Variants in BECN1 observed in about 807,000 individuals in gnomAD.
BECN1 encodes beclin-1.
A neutral mutation model predicts 60.1 loss-of-function variants in BECN1; 15 were observed. The ratio of observed to expected loss-of-function variants is 0.25; its 90% CI spans 0.17 to 0.38. The LOEUF (loss-of-function observed/expected upper bound fraction) is 0.38. Ranked by LOEUF, BECN1 falls within the 10% of genes least tolerant of loss-of-function variation. The pLI, the probability that BECN1 is intolerant of heterozygous loss-of-function variation, is 1.00. For synonymous variants in BECN1, 179 were observed against 201.8 expected (o/e 0.89, Z 0.96); for missense variants, 424 against 548.2 (o/e 0.77, Z 2.26).
At chr17:42,817,200 C>T (rs545652122) in intron 7 of BECN1, among the ~76,000 whole-genome samples, 41 of 150,914 alleles carry the variant, frequency 2.7e-4, no homozygotes, top group African/African-American at 7.8e-4. Context: ...GAGGCTGAGG[C>T]GGGAGGATTG....
Position 42,824,265 on chromosome 17 carries a change from A to C in BECN1, c.-113T>G. 2.5e-6 allele frequency: 1 copy of C among 399,772 alleles called. No homozygotes were observed. Among genetic ancestry groups the C allele is most frequent in the East Asian group, 3.6e-5 (1 of 28,148 alleles). 24.8% of individuals were successfully genotyped at this position (399,772 alleles called of 1,614,324 possible). A position where few individuals can be genotyped will look rare whatever the true frequency, so the allele number is the denominator to read the frequency against. ...AACTACCATCGCTCTGTCTTCAGCG[A>C]CTTCCCGGTAGCCGCCGGAAAACTT... On this transcript the variant is annotated 5_prime_UTR_variant, in exon 1 of 12. Coordinates refer to ENST00000590099, the MANE Select transcript of BECN1 (RefSeq NM_001313998.2).
intron 3 of BECN1, 108 bp from the exon 4 acceptor site, chr17:42,819,717 T>C: frequency 1.3e-5 from 14 of 1,114,000 alleles, no homozygotes; most frequent in Non-Finnish European, 1.8e-5. Context: ...CCACAAGACT[T>C]GATAAACCAC....
At chr17:42,823,982 C>T (rs115791303) in intron 1 of BECN1, 103 bp from the exon 2 acceptor site, 1 of 1,420,364 alleles carries the variant, frequency 7.0e-7, no homozygotes, top group Non-Finnish European at 9.5e-7. Context: ...GGAGGGAAGT[C>T]CCAACCTGCG....
At chr17:42,815,257 T>C (rs550440901) in intron 8 of BECN1, among the ~76,000 whole-genome samples, 95 of 151,676 alleles carry the variant, frequency 6.3e-4, no homozygotes, top group Admixed American at 3.3e-4. Context: ...TCAGTCACAA[T>C]AAGCTCCTTT....
intron 2 of BECN1, among the ~76,000 whole-genome samples, chr17:42,823,273 G>T (rs2055308685): frequency 6.6e-6 from 1 of 151,798 alleles, no homozygotes; most frequent in Non-Finnish European, 1.5e-5. Context: ...CTCTTTTTTT[G>T]AGACGGAGCC....
At chr17:42,819,378 C>A in intron 4 of BECN1, 170 bp downstream of exon 4, 1 of 644,700 alleles carries the variant, frequency 1.6e-6, no homozygotes, top group Non-Finnish European at 2.6e-6. Context: ...AGGAAAAAAT[C>A]CATACTGGAA....
rs1308970350 is a variant in BECN1 at position 42,811,318 on chromosome 17, C to T, written c.1184+337G>A. 4 of 284,420 alleles carry T rather than the reference C, an allele frequency of 1.4e-5. No individual in the cohort carries two copies. The East Asian group carries it at 1.9e-4, about 13-fold the overall frequency. 17.6% of individuals were successfully genotyped at this position (284,420 alleles called of 1,614,324 possible). Reference sequence around the variant, plus strand: ...CTAAGTAAAAACTAGAGTTTCCATCCATCAATGGGATCCTAGAAAAATCAA... The same window carrying T: ...CTAAGTAAAAACTAGAGTTTCCATCTATCAATGGGATCCTAGAAAAATCAA... On this transcript the variant is annotated intron_variant, in intron 11 of 11. Coordinates refer to ENST00000590099, the MANE Select transcript of BECN1 (RefSeq NM_001313998.2).
At chr17:42,814,766 A>G (rs1448381159) in intron 8 of BECN1, 93 bp from the exon 9 acceptor site, 2 of 1,485,876 alleles carry the variant, frequency 1.3e-6, no homozygotes, top group Non-Finnish European at 1.8e-6. Flanking sequence ...GCTTAAATCT[A>G]TCTTCAAGTC....
chr17:42,818,334 C>T lies in BECN1; in HGVS notation c.570G>A (p.Glu190=). The T allele has an allele frequency of 6.2e-7, 1 of 1,614,252 alleles. No homozygotes were observed. Among genetic ancestry groups the T allele is most frequent in the Non-Finnish European group, 8.5e-7 (1 of 1,180,052 alleles). Reference sequence around the variant, plus strand: ...CCAGCTCCTGGATCAGCCTCTCCTCCTCTAGTGCCAGCTCCTTTAGCTCCA... The same window carrying T: ...CCAGCTCCTGGATCAGCCTCTCCTCTTCTAGTGCCAGCTCCTTTAGCTCCA... The part of the protein sequence containing the change: ...LQMELKELAL[E]EERLIQELED... Residue 190 remains glutamate, a synonymous_variant, in exon 7 of 12, where the codon GAG becomes GAA. Transcript: ENST00000590099.
At chr17:42,821,201 A>G (rs977075813) in intron 2 of BECN1, among the ~76,000 whole-genome samples, 10 of 152,044 alleles carry the variant, frequency 6.6e-5, no homozygotes, top group Non-Finnish European at 1.2e-4. Context: ...CTGGGACTAC[A>G]GGCGTGCACC....
At chr17:42,822,477 C>A (rs1426955018) in intron 2 of BECN1, among the ~76,000 whole-genome samples, 1 of 152,156 alleles carries the variant, frequency 6.6e-6, no homozygotes, top group Non-Finnish European at 1.5e-5. Flanking sequence ...GACTCCAGGC[C>A]CATAAGCTTA....
rs764642269 is a variant in BECN1, at chr17:42,815,716, G to A, written c.830+192C>T. On this transcript the variant is annotated intron_variant, in intron 8 of 11. Transcript: ENST00000590099. The stretch of plus-strand genomic sequence containing the variant: ...GGGCTCAGGCCTTTTCCTTTCTTTA[G>A]AAGGGCGGATGTCACCAAGCTCTAG... The A allele has an allele frequency of 2.9e-6, 2 of 695,456 alleles. 1 individual carries two copies. 43.1% of individuals were successfully genotyped at this position (695,456 alleles called of 1,614,324 possible).
At position 42,820,664 on chromosome 17, in the gene BECN1, AG is replaced by A. The variant is rs541671283; in HGVS notation, c.198+109del. On this transcript the variant is annotated intron_variant, in intron 3 of 11. Coordinates refer to ENST00000590099, the MANE Select transcript of BECN1 (RefSeq NM_001313998.2). The stretch of plus-strand genomic sequence containing the variant: ...ATCCCAAAAGTCCGGGAGCTCTAGA[AG>A]CGCCAAGTAGCCTGCAGAAACCAAG... 135 of 1,101,122 alleles carry A rather than the reference AG, an allele frequency of 1.2e-4. 1 individual carries two copies. The African/African-American group carries it at 1.8e-3, about 15-fold the overall frequency. 68.2% of individuals were successfully genotyped at this position (1,101,122 alleles called of 1,614,324 possible).
At position 42,814,677 on chromosome 17, in the gene BECN1, C is replaced by T; in HGVS notation, c.831-4G>A. ...TGTGCCAAACTGTCCACTGTGCCTA[C>T]AGAGGAAGGCAGAAAGGTGGGGGGA... On this transcript the variant is annotated splice_polypyrimidine_tract_variant and splice_region_variant and intron_variant, in intron 8 of 11. Coordinates refer to ENST00000590099, the MANE Select transcript of BECN1 (RefSeq NM_001313998.2). The T allele has an allele frequency of 6.2e-7, 1 of 1,613,990 alleles. No homozygotes were observed. Among genetic ancestry groups the T allele is most frequent in the Non-Finnish European group, 8.5e-7 (1 of 1,179,960 alleles).
At chr17:42,818,144 T>A in intron 7 of BECN1, 77 bp downstream of exon 7, 1 of 1,487,252 alleles carries the variant, frequency 6.7e-7, no homozygotes. Flanking sequence ...TACAAACTAT[T>A]CAGACACATT....
chr17:42,814,640 G>C lies in BECN1; in HGVS notation c.864C>G (p.Phe288Leu). ...HSGQFGTINNFRLGRLPSVPV... is the reference protein window; with the variant it reads ...HSGQFGTINNLRLGRLPSVPV... ...GAACACTGGGCAGGCGACCCAGCCT[G>C]AAGTTATTGATTGTGCCAAACTGTC... is the stretch of plus-strand genomic sequence containing the variant. The change falls in exon 9 of 12, where the codon TTC becomes TTG. Residue 288 changes from phenylalanine (F) to leucine (L), a missense_variant. By Grantham distance (22) the Phe-to-Leu change is conservative. Transcript: ENST00000590099. 3 of 1,614,170 alleles carry C rather than the reference G, an allele frequency of 1.9e-6. No homozygotes were observed. The South Asian group carries it at 3.3e-5, about 18-fold the overall frequency.
At chr17:42,819,976 C>G (rs57555534) in intron 3 of BECN1, among the ~76,000 whole-genome samples, 1,635 of 152,266 alleles carry the variant, frequency 0.011, 53 homozygotes, top group South Asian at 0.1. Flanking sequence ...TGAAGTCTGC[C>G]ACAGTACAAA....
chr17:42,818,168 T>C, intron 7 of BECN1, 53 bp downstream of exon 7: 10 of 1,575,438 alleles, frequency 6.3e-6, no homozygotes, highest in South Asian at 3.5e-5. Context: ...CTGGAAGCCA[T>C]TTCCTCTCCT....
chr17:42,814,728 G>T, intron 8 of BECN1, 55 bp from the exon 9 acceptor site: 2 of 1,604,128 alleles, frequency 1.2e-6, no homozygotes, highest in South Asian at 2.2e-5. Context: ...TAAAAAGTTT[G>T]ACATTTCCCA....
Sources: gnomAD v4.1 joint callset for allele counts (sites outside exome capture counted in the v4.1 genomes callset) on GRCh38, gnomAD v4.1.1 for gene constraint, MANE v1.5 for transcripts, NCBI Gene and HGNC (gene_info 2026-07-23, HGNC 2026-07-21) for gene names.